Variants in CDH4 observed in about 807,000 individuals in gnomAD.
CDH4 encodes the protein cadherin-4.
Under a neutral mutation model 86.0 loss-of-function variants are expected in CDH4, and 33 were observed. The observed-to-expected ratio is 0.38, with a 90% confidence interval of 0.29 to 0.51. The LOEUF is 0.51. Ranked by LOEUF, CDH4 falls within the 20% of genes least tolerant of loss-of-function variation. CDH4 has a pLI of 0.86. For synonymous variants in CDH4, 555 were observed against 549.4 expected, an observed-to-expected ratio of 1.01 and a Z score of -0.14; for missense variants, 1,114 against 1,307.4, an observed-to-expected ratio of 0.85 and a Z score of 2.28.
At chr20:61,458,932 A>C (rs1171378485) in intron 2 of CDH4, among the ~76,000 whole-genome samples, 1 of 147,196 alleles carries the variant, frequency 6.8e-6, no homozygotes, top group Non-Finnish European at 1.5e-5. Context: ...TTCTTCCTAC[A>C]TCTGAGCTTC....
intron 2 of CDH4, among the ~76,000 whole-genome samples, chr20:61,726,405 A>G (rs1327447099): frequency 2.0e-5 from 3 of 152,032 alleles, no homozygotes; most frequent in Non-Finnish European, 4.4e-5. Context: ...TACATTTCGG[A>G]AATCAGGGTG....
chr20:61,382,645 C>T (rs749182550), intron 2 of CDH4, among the ~76,000 whole-genome samples: 1 of 152,162 alleles, frequency 6.6e-6, no homozygotes, highest in Non-Finnish European at 1.5e-5. Context: ...CCATGTTCCC[C>T]CTGAAGCTTC....
intron 2 of CDH4, among the ~76,000 whole-genome samples, chr20:61,683,691 G>A (rs866510375): frequency 6.6e-6 from 1 of 152,224 alleles, no homozygotes; most frequent in Admixed American, 6.5e-5. Flanking sequence ...ATATGAAAAT[G>A]TGTTTGCTTG....
At chr20:61,796,153 C>G (rs1979526678) in intron 4 of CDH4, among the ~76,000 whole-genome samples, 1 of 152,172 alleles carries the variant, frequency 6.6e-6, no homozygotes, top group Admixed American at 6.5e-5. Flanking sequence ...ACAGTCCTTC[C>G]CTGCACTGCC....
intron 2 of CDH4, among the ~76,000 whole-genome samples, chr20:61,260,363 G>GAAAGAACCCTTAGATAC (rs2123119670): frequency 6.6e-6 from 1 of 152,318 alleles, no homozygotes; most frequent in East Asian, 1.9e-4. Context: ...CCCAGGAGAT[G>GAAAGAACCCTTAGATAC]AAAGAACCCT....
intron 2 of CDH4, among the ~76,000 whole-genome samples, chr20:61,349,518 G>A (rs1274075718): frequency 5.3e-5 from 8 of 152,232 alleles, no homozygotes; most frequent in South Asian, 2.1e-4. Flanking sequence ...AAGGGTGAGC[G>A]CAGAGCCAGG....
chr20:61,422,461 A>G (rs887432191), intron 2 of CDH4, among the ~76,000 whole-genome samples: 1 of 52,550 alleles, frequency 1.9e-5, no homozygotes, highest in Admixed American at 2.4e-4. Flanking sequence ...AAAAAAAAAA[A>G]AAAAAACCAA....
chr20:61,354,495 G>T (rs888398109), intron 2 of CDH4, among the ~76,000 whole-genome samples: 4 of 152,260 alleles, frequency 2.6e-5, no homozygotes, highest in African/African-American at 9.6e-5. Context: ...GGCTGTTGCT[G>T]CTGCTGTTGC....
chr20:61,788,381 C>G (rs929727066), intron 4 of CDH4, among the ~76,000 whole-genome samples: 3 of 152,076 alleles, frequency 2.0e-5, no homozygotes, highest in Admixed American at 2.0e-4. Flanking sequence ...TAAGGCACAG[C>G]GTAGGTTCTG....
Position 61,393,736 on chromosome 20 carries a change from C to T in CDH4, c.169+138799C>T, listed in dbSNP as rs964193036. On this transcript the variant is annotated intron_variant, in intron 2 of 15. Coordinates refer to ENST00000614565, the MANE Select transcript of CDH4 (RefSeq NM_001794.5). The surrounding 1 kb of genome is among the most constrained non-coding windows in gnomAD (Gnocchi z 4.3). ...GTGTCAGGACAAGATATGTAGCTGG[C>T]AGGGTTCTCATGAGGATTACACGAG... is the stretch of plus-strand genomic sequence containing the variant. Among the ~76,000 whole-genome samples, 20 of 152,036 alleles carry T rather than the reference C, an allele frequency of 1.3e-4. No individual in the cohort carries two copies. Among genetic ancestry groups the T allele is most frequent in the Non-Finnish European group, 2.4e-4 (16 of 68,018 alleles).
chr20:61,602,056 C>G (rs2086605125), intron 2 of CDH4, among the ~76,000 whole-genome samples: 1 of 152,184 alleles, frequency 6.6e-6, no homozygotes, highest in Non-Finnish European at 1.5e-5. Flanking sequence ...AAGAATGCAC[C>G]TTCTCCGGGG....
In CDH4 at chr20:61,300,051, A is replaced by T. The variant is rs187505689; in HGVS notation, c.169+45114A>T. ...TCGTGTGTATTTCTTCATCCAACAA[A>T]CATGAAGAGACTCTTCTGCACGCTG... is the stretch of plus-strand genomic sequence containing the variant. On this transcript the variant is annotated intron_variant, in intron 2 of 15. Transcript: ENST00000614565. Among the ~76,000 whole-genome samples, 5 of 152,196 alleles carry T rather than the reference A, an allele frequency of 3.3e-5. No homozygotes were observed. The East Asian group carries it at 9.7e-4, about 30-fold the overall frequency.
chr20:61,772,899 CCT>C, intron 3 of CDH4, 102 bp from the exon 4 acceptor site: 2 of 952,406 alleles, frequency 2.1e-6, no homozygotes, highest in Non-Finnish European at 3.0e-6. Context: ...ACCCGCCTTC[CCT>C]CTCAGTCTCG....
At position 61,784,369 on chromosome 20, in the gene CDH4, C is replaced by T. The variant is rs1422154856; in HGVS notation, c.576+11187C>T. ...CTCAAGGCCCTCCGATATCCTGTGCCCCCAGGAGAATGTAATCCCAGTTCC... is the reference window on the plus strand; with the variant it reads ...CTCAAGGCCCTCCGATATCCTGTGCTCCCAGGAGAATGTAATCCCAGTTCC... On this transcript the variant is annotated intron_variant, in intron 4 of 15. Coordinates refer to ENST00000614565, the MANE Select transcript of CDH4 (RefSeq NM_001794.5). Among the ~76,000 whole-genome samples, 2 of 16,486 alleles carry T rather than the reference C, an allele frequency of 1.2e-4. 1 individual carries two copies. Among genetic ancestry groups the T allele is most frequent in the Non-Finnish European group, 2.1e-4 (2 of 9,344 alleles). The allele number at this position is 16,486 out of a possible 152,430, so 10.8% of individuals were successfully genotyped here.
intron 2 of CDH4, among the ~76,000 whole-genome samples, chr20:61,425,530 A>C (rs973818246): frequency 1.3e-5 from 2 of 152,224 alleles, no homozygotes; most frequent in Non-Finnish European, 2.9e-5. Context: ...GCCTAGGAGA[A>C]GGACAGTGGG....
At chr20:61,272,262 T>G (rs1270211671) in intron 2 of CDH4, among the ~76,000 whole-genome samples, 1 of 152,144 alleles carries the variant, frequency 6.6e-6, no homozygotes, top group African/African-American at 2.4e-5. Context: ...CCCAGTGGCT[T>G]TCTAAGGTTG....
intron 2 of CDH4, among the ~76,000 whole-genome samples, chr20:61,422,940 G>A (rs1304801901): frequency 6.6e-6 from 1 of 152,194 alleles, no homozygotes; most frequent in African/African-American, 2.4e-5. Context: ...AAACCCATGC[G>A]ATAAGGGATT....
chr20:61,837,915 T>C (rs1981953995), intron 4 of CDH4, among the ~76,000 whole-genome samples: 1 of 151,988 alleles, frequency 6.6e-6, no homozygotes, highest in African/African-American at 2.4e-5. Context: ...CCCTCCCATC[T>C]CCCTTCCCTG....
chr20:61,935,435 C>T (rs2055171505), intron 15 of CDH4, among the ~76,000 whole-genome samples: 1 of 151,812 alleles, frequency 6.6e-6, no homozygotes, highest in African/African-American at 2.4e-5. Flanking sequence ...CAAACGTTTG[C>T]CCTGCCCAGT....
Sources: allele counts gnomAD v4.1 joint callset (sites outside exome capture counted in the v4.1 genomes callset), GRCh38; gene constraint gnomAD v4.1.1; non-coding constraint Gnocchi (gnomAD v3.1); transcripts MANE v1.5; gene names NCBI Gene and HGNC (gene_info 2026-07-23, HGNC 2026-07-21).